VPS13B: variants seen among roughly 807,000 people sequenced by gnomAD.
The protein encoded by VPS13B is vacuolar protein sorting 13 homolog B.
In VPS13B, 285 loss-of-function variants were observed where a neutral mutation model predicts 426.4. The ratio of observed to expected loss-of-function variants is 0.67; its 90% CI spans 0.61 to 0.74. VPS13B has a LOEUF of 0.74. VPS13B is among the 30% of genes least tolerant of loss of function. The probability of loss-of-function intolerance (pLI) is 0.00; values close to 1 mark genes in which losing one functional copy is unlikely to be tolerated. For missense variants in VPS13B, 4,537 were observed against 4,782.6 expected, an observed-to-expected ratio of 0.95 and a Z score of 1.51; for synonymous variants, 1,676 against 1,676.4, an observed-to-expected ratio of 1.00 and a Z score of 0.01.
chr8:99,483,244 C>T (rs1563754438), intron 25 of VPS13B, among the ~76,000 whole-genome samples: 1 of 152,062 alleles, frequency 6.6e-6, no homozygotes, highest in Non-Finnish European at 1.5e-5. Flanking sequence ...TTAAGAATCA[C>T]AGTAACCTAG....
At chr8:99,397,623 G>A (rs985525532) in intron 21 of VPS13B, among the ~76,000 whole-genome samples, 1 of 152,148 alleles carries the variant, frequency 6.6e-6, no homozygotes, top group African/African-American at 2.4e-5. Context: ...GAAAGTTTAA[G>A]CACGCACCCT....
chr8:99,486,672 C>T (rs1364540491), intron 25 of VPS13B, among the ~76,000 whole-genome samples: 1 of 152,150 alleles, frequency 6.6e-6, no homozygotes, highest in African/African-American at 2.4e-5. Flanking sequence ...GCAAAGAACT[C>T]CCCAGTTCAG....
At chr8:99,434,990 A>G (rs996454848) in intron 22 of VPS13B, among the ~76,000 whole-genome samples, 5 of 152,344 alleles carry the variant, frequency 3.3e-5, no homozygotes, top group Non-Finnish European at 4.4e-5. Context: ...AATAGTTGTC[A>G]TGGTCTAGCT....
intron 23 of VPS13B, among the ~76,000 whole-genome samples, chr8:99,461,941 C>T (rs1036508086): frequency 6.6e-6 from 1 of 152,088 alleles, no homozygotes; most frequent in African/African-American, 2.4e-5. Context: ...TTGCTCAGTG[C>T]TCTGTCCCTA....
chr8:99,020,107 G>A (rs1447093096), intron 2 of VPS13B, among the ~76,000 whole-genome samples: 1 of 151,600 alleles, frequency 6.6e-6, no homozygotes, highest in Admixed American at 6.6e-5. Flanking sequence ...ATGTGCAAAG[G>A]TTCGAAGTGC....
At chr8:99,770,844 G>A (rs2130639922) in intron 40 of VPS13B, among the ~76,000 whole-genome samples, 1 of 152,248 alleles carries the variant, frequency 6.6e-6, no homozygotes, top group Non-Finnish European at 1.5e-5. Context: ...TAGAAGGTGG[G>A]TCAAGAGAGC....
At chr8:99,439,426 T>A (rs1017799815) in intron 22 of VPS13B, among the ~76,000 whole-genome samples, 5 of 152,140 alleles carry the variant, frequency 3.3e-5, no homozygotes, top group Non-Finnish European at 5.9e-5. Context: ...GTCTCTGTAT[T>A]CCTGACTTCC....
intron 39 of VPS13B, among the ~76,000 whole-genome samples, chr8:99,726,179 G>C (rs1170591640): frequency 1.3e-5 from 2 of 152,142 alleles, no homozygotes; most frequent in African/African-American, 4.8e-5. Flanking sequence ...ACTAATCATA[G>C]GTTCTGAATA....
chr8:99,816,450 G>A (rs943022998), intron 44 of VPS13B, among the ~76,000 whole-genome samples: 9 of 152,000 alleles, frequency 5.9e-5, no homozygotes, highest in African/African-American at 1.5e-4. Context: ...CTCTTACCTG[G>A]GTGTAAAGTT....
chr8:99,390,616 A>T (rs1373423981), intron 20 of VPS13B, among the ~76,000 whole-genome samples: 1 of 152,162 alleles, frequency 6.6e-6, no homozygotes, highest in Non-Finnish European at 1.5e-5. Context: ...GTGGTACTGA[A>T]GATAACCTTA....
chr8:99,107,509 A>ATT (rs35230139), intron 5 of VPS13B, among the ~76,000 whole-genome samples: 1 of 149,202 alleles, frequency 6.7e-6, no homozygotes, highest in African/African-American at 2.5e-5. Context: ...CCCCTTACGT[A>ATT]TTTTTTTTTT....
At chr8:99,526,117 G>A (rs1822629402) in intron 30 of VPS13B, among the ~76,000 whole-genome samples, 1 of 151,820 alleles carries the variant, frequency 6.6e-6, no homozygotes, top group African/African-American at 2.4e-5. Flanking sequence ...GGGTGGGGAT[G>A]GGGATCACCA....
At position 99,101,733 on chromosome 8, in the gene VPS13B, T is replaced by C. The variant is rs146000464; in HGVS notation, c.413-1220T>C. Among the ~76,000 whole-genome samples, 7 of 152,212 alleles carry C rather than the reference T, an allele frequency of 4.6e-5. 1 individual carries two copies. In the East Asian group the frequency reaches 1.4e-3, roughly 29 times the overall value. On this transcript the variant is annotated intron_variant, in intron 4 of 61. Transcript: ENST00000357162. ...GCATCATTGGGAATGAATGAAGGAG[T>C]TGGGTTTTGCACACGTTATGGTTGA...
At chr8:99,272,805 A>G (rs1818668275) in intron 17 of VPS13B, among the ~76,000 whole-genome samples, 1 of 152,164 alleles carries the variant, frequency 6.6e-6, no homozygotes, top group Non-Finnish European at 1.5e-5. Flanking sequence ...GAGCATGTGA[A>G]TTTTATTTAT....
chr8:99,313,973 C>T lies in VPS13B; in HGVS notation c.2824+38719C>T, dbSNP rs180957769. On this transcript the variant is annotated intron_variant, in intron 19 of 61. Transcript: ENST00000357162. ...GGCTTGGGACCCTCCAAGCCAGGCA[C>T]GGGATATAATCTCCTTGTGTGCCAT... is the stretch of plus-strand genomic sequence containing the variant. 1.2e-3 allele frequency among the ~76,000 whole-genome samples: 179 copies of T among 152,182 alleles called. 1 individual carries two copies. Among genetic ancestry groups the T allele is most frequent in the East Asian group, 6.0e-3 (31 of 5,158 alleles).
chr8:99,535,028 T>G (rs1030029274), intron 30 of VPS13B, among the ~76,000 whole-genome samples: 1 of 152,164 alleles, frequency 6.6e-6, no homozygotes, highest in Non-Finnish European at 1.5e-5. Context: ...TTTTACCCTT[T>G]GTTGACTAGT....
intron 3 of VPS13B, among the ~76,000 whole-genome samples, chr8:99,085,439 A>G (rs1845724576): frequency 6.6e-6 from 1 of 152,200 alleles, no homozygotes. Flanking sequence ...TAAGTGGAGC[A>G]TTTAGCCCAT....
intron 19 of VPS13B, among the ~76,000 whole-genome samples, chr8:99,311,179 C>T (rs1392966558): frequency 6.6e-5 from 10 of 152,114 alleles, no homozygotes; most frequent in Admixed American, 5.9e-4. Context: ...TTCAGTTCTG[C>T]TCTGATTTTA....
At chr8:99,766,671 G>A in intron 39 of VPS13B, 103 bp from the exon 40 acceptor site, 1 of 977,760 alleles carries the variant, frequency 1.0e-6, no homozygotes. Context: ...CTCCTCTAAA[G>A]GTCTTAATGT....
Sources: allele counts gnomAD v4.1 joint callset (sites outside exome capture counted in the v4.1 genomes callset), GRCh38; gene constraint gnomAD v4.1.1; transcripts MANE v1.5; gene names NCBI Gene and HGNC (gene_info 2026-07-23, HGNC 2026-07-21).